LTBP2: variants seen among roughly 807,000 people sequenced by gnomAD.
The protein encoded by LTBP2 is latent transforming growth factor beta binding protein 2.
In LTBP2, 103 loss-of-function variants were observed where a neutral mutation model predicts 210.6. The observed-to-expected ratio is 0.49, with a 90% CI of 0.42 to 0.58. The LOEUF is 0.58. Ranked by LOEUF, LTBP2 falls within the 20% of genes least tolerant of loss-of-function variation. LTBP2 has a pLI of 0.00. For missense variants in LTBP2, 2,313 were observed against 2,494.5 expected (o/e 0.93, Z 1.55); for synonymous variants, 1,007 against 1,015.0 (o/e 0.99, Z 0.15).
At chr14:74,575,869 G>A (rs541368226) in intron 3 of LTBP2, among the ~76,000 whole-genome samples, 1 of 152,324 alleles carries the variant, frequency 6.6e-6, no homozygotes, top group South Asian at 2.1e-4. Flanking sequence ...ATTGGATCTG[G>A]CTGGAGGCCT....
intron 15 of LTBP2, among the ~76,000 whole-genome samples, chr14:74,523,854 G>A (rs1392518466): frequency 6.6e-6 from 1 of 152,034 alleles, no homozygotes; most frequent in Non-Finnish European, 1.5e-5. Context: ...AATGGGTTGG[G>A]GAATGGTCTG....
At chr14:74,591,935 G>T (rs951509709) in intron 2 of LTBP2, among the ~76,000 whole-genome samples, 2 of 152,160 alleles carry the variant, frequency 1.3e-5, no homozygotes, top group Admixed American at 1.3e-4. Context: ...TTAATTAAAG[G>T]TGATGACAAG....
chr14:74,597,737 G>C (rs2088387757), intron 2 of LTBP2, among the ~76,000 whole-genome samples: 1 of 152,188 alleles, frequency 6.6e-6, no homozygotes, highest in South Asian at 2.1e-4. Flanking sequence ...CTACATATCA[G>C]CTGGGTTCCA....
In LTBP2 at chr14:74,586,186, TC is replaced by T; in HGVS notation, c.566-69del. The stretch of plus-strand genomic sequence containing the variant: ...ACTGAGACCACAGCTGCCCACACCT[TC>T]CTGTCAGAAGGGCCCTCCTGAGTGC... On this transcript the variant is annotated intron_variant, in intron 2 of 35. Transcript: ENST00000261978. This position sits in a 1 kb window ranked among gnomAD's most constrained non-coding sequence, Gnocchi z 4.6. The T allele has an allele frequency of 6.6e-7, 1 of 1,520,930 alleles. No individual in the cohort carries two copies. The highest frequency in any genetic ancestry group is 8.9e-7 in the Non-Finnish European group (1 of 1,126,618). 94.2% of individuals were successfully genotyped at this position (1,520,930 alleles called of 1,614,324 possible).
intron 3 of LTBP2, among the ~76,000 whole-genome samples, chr14:74,567,160 GCCTGCAGCCCGGTCCC>G (rs1566642472): frequency 4.6e-5 from 7 of 152,190 alleles, no homozygotes; most frequent in Admixed American, 3.9e-4. Context: ...CCCAGCCCTT[GCCTGCAGCCCGGTCCC>G]CCCTCAAGGG....
chr14:74,506,740 C>A lies in LTBP2; in HGVS notation c.3991G>T (p.Asp1331Tyr). ...GAGGGAGAGATCTCGAAGCCCTGGT[C>A]ACAGAGGCAGCGGAAGGAGCCATCA... Reference protein sequence around the residue: ...NTDGSFRCLCDQGFEISPSGW... With the variant: ...NTDGSFRCLCYQGFEISPSGW... The change falls in exon 27 of 36, where the codon GAC becomes TAC. Residue 1331 changes from aspartate to tyrosine, a missense_variant. Physicochemically the swap from Asp to Tyr is radical, Grantham distance 160. Coordinates refer to ENST00000261978, the MANE Select transcript of LTBP2 (RefSeq NM_000428.3). The A allele has an allele frequency of 6.2e-7, 1 of 1,613,978 alleles. No homozygotes were observed. Among genetic ancestry groups the A allele is most frequent in the South Asian group, 1.1e-5 (1 of 91,062 alleles).
At chr14:74,516,347 A>C in intron 18 of LTBP2, among the ~76,000 whole-genome samples, 1 of 52,480 alleles carries the variant, frequency 1.9e-5, no homozygotes, top group Non-Finnish European at 4.0e-5. Context: ...AAGGATCTGG[A>C]ATCCCTCCCT....
chr14:74,544,529 T>A (rs577968344), intron 8 of LTBP2, among the ~76,000 whole-genome samples: 69 of 152,288 alleles, frequency 4.5e-4, no homozygotes, highest in African/African-American at 1.6e-3. Context: ...AATAATGGTG[T>A]TGCTGCTGTG....
chr14:74,601,115 G>C (rs2088440072), intron 2 of LTBP2, among the ~76,000 whole-genome samples: 1 of 152,204 alleles, frequency 6.6e-6, no homozygotes, highest in Non-Finnish European at 1.5e-5. Flanking sequence ...TTAGCATAAA[G>C]CCACCTGGCC....
At chr14:74,567,561 G>A (rs141853138) in intron 3 of LTBP2, among the ~76,000 whole-genome samples, 35 of 152,194 alleles carry the variant, frequency 2.3e-4, no homozygotes, top group Non-Finnish European at 3.5e-4. Context: ...TGTGGCGATA[G>A]CCCTCTTCTT....
intron 2 of LTBP2, among the ~76,000 whole-genome samples, chr14:74,597,629 G>C (rs1403004809): frequency 1.3e-5 from 2 of 152,252 alleles, no homozygotes; most frequent in Non-Finnish European, 2.9e-5. Flanking sequence ...GTTGGACAAA[G>C]AGCCTCAGGG....
At position 74,509,488 on chromosome 14, in the gene LTBP2, G is replaced by A. The variant is rs375976113; in HGVS notation, c.3278-125C>T. The stretch of plus-strand genomic sequence containing the variant: ...TTTCCTAAAACCCCCTCCCTAGAAC[G>A]CTCCCAGGACAGCCCTGCCCTCAGC... On this transcript the variant is annotated intron_variant, in intron 21 of 35. Transcript: ENST00000261978. 478 of 1,409,494 alleles carry A rather than the reference G, an allele frequency of 3.4e-4. 5 individuals carry two copies. In the East Asian group the frequency reaches 8.7e-3, roughly 26 times the overall value. The allele number at this position is 1,409,494 out of a possible 1,614,324, so 87.3% of individuals were successfully genotyped here. A position where few individuals can be genotyped will look rare whatever the true frequency, so the allele number is the denominator to read the frequency against.
intron 12 of LTBP2, 58 bp from the exon 13 acceptor site, chr14:74,527,424 C>T: frequency 6.3e-7 from 1 of 1,576,980 alleles, no homozygotes; most frequent in Non-Finnish European, 8.6e-7. Context: ...GCCTTCTCCC[C>T]TCACCGCCAC....
intron 25 of LTBP2, among the ~76,000 whole-genome samples, chr14:74,507,642 A>G (rs2087007985): frequency 6.6e-6 from 1 of 152,178 alleles, no homozygotes; most frequent in Non-Finnish European, 1.5e-5. Flanking sequence ...TATTACAGAG[A>G]GTTGTCTTCA....
At chr14:74,596,759 C>A (rs1409685510) in intron 2 of LTBP2, among the ~76,000 whole-genome samples, 4 of 152,142 alleles carry the variant, frequency 2.6e-5, no homozygotes, top group Non-Finnish European at 5.9e-5. Flanking sequence ...GTCCCTGTAG[C>A]CCCTGGGTGG....
intron 10 of LTBP2, among the ~76,000 whole-genome samples, chr14:74,531,091 G>A (rs1341782890): frequency 2.0e-5 from 3 of 152,208 alleles, no homozygotes; most frequent in East Asian, 3.8e-4. Context: ...CCAGGGTGGA[G>A]ATGACCCAGG....
intron 2 of LTBP2, among the ~76,000 whole-genome samples, chr14:74,602,409 A>G (rs1030499782): frequency 2.0e-5 from 3 of 152,218 alleles, no homozygotes; most frequent in Non-Finnish European, 2.9e-5. Flanking sequence ...TGACAGCAAT[A>G]GTACCATCAC....
At chr14:74,593,017 C>T (rs566714647) in intron 2 of LTBP2, among the ~76,000 whole-genome samples, 17 of 152,248 alleles carry the variant, frequency 1.1e-4, no homozygotes, top group African/African-American at 4.1e-4. Context: ...TTGGGTGTTC[C>T]GCTCTGTGGA....
At position 74,504,819 on chromosome 14, in the gene LTBP2, G is replaced by A; in HGVS notation, c.4412C>T (p.Pro1471Leu). The change falls in exon 30 of 36, where the codon CCT (proline) becomes CTT (leucine). Residue 1471 changes from proline (P) to leucine (L), a missense_variant. Around this residue, in one of 3 missense-constraint regions of LTBP2, gnomAD observed 443 missense variants for 501.4 expected, o/e 0.88. Coordinates refer to ENST00000261978, the MANE Select transcript of LTBP2 (RefSeq NM_000428.3). ...TCCAAACGTCCAGGCTCCTTCCACA[G>A]GAATGTAGCCTTTTCCACTAGGGCA... ...EICPSGKGYI[P>L]VEGAWTFGQT... is the part of the protein sequence containing the mutation. The A allele has an allele frequency of 6.2e-7, 1 of 1,614,252 alleles. No homozygotes were observed. Among genetic ancestry groups the A allele is most frequent in the South Asian group, 1.1e-5 (1 of 91,092 alleles).
Sources: gnomAD v4.1 joint callset for allele counts (sites outside exome capture counted in the v4.1 genomes callset) on GRCh38, gnomAD v4.1.1 for gene constraint, gnomAD v4.1.1 regional missense constraint, Gnocchi (gnomAD v3.1) non-coding constraint, MANE v1.5 for transcripts, NCBI Gene and HGNC (gene_info 2026-07-23, HGNC 2026-07-21) for gene names.